RAP1GAP2: variants seen among roughly 807,000 people sequenced by gnomAD.
RAP1GAP2 encodes the protein rap1 GTPase-activating protein 2.
Under a neutral mutation model 95.0 loss-of-function variants are expected in RAP1GAP2, and 27 were observed. The observed-to-expected ratio is 0.28, with a 90% CI of 0.21 to 0.39. The LOEUF (loss-of-function observed/expected upper bound fraction) is 0.39. Among genes scored for constraint, RAP1GAP2 ranks in the 10% least tolerant of loss-of-function variants. The pLI is 1.00. For synonymous variants in RAP1GAP2, 373 were observed against 380.9 expected, an observed-to-expected ratio of 0.98 and a Z score of 0.24; for missense variants, 771 against 970.0, an observed-to-expected ratio of 0.79 and a Z score of 2.72.
At chr17:2,911,260 A>ATTTTTTTT (rs34227127) in intron 3 of RAP1GAP2, among the ~76,000 whole-genome samples, 5 of 132,032 alleles carry the variant, frequency 3.8e-5, no homozygotes, top group African/African-American at 1.5e-4. Flanking sequence ...TTTGAAGGGG[A>ATTTTTTTT]TTTTTTTTTT....
chr17:2,985,899 C>CATG (rs889633017), intron 11 of RAP1GAP2, among the ~76,000 whole-genome samples: 5 of 152,076 alleles, frequency 3.3e-5, no homozygotes, highest in Admixed American at 2.6e-4. Flanking sequence ...TCTTTCCTAC[C>CATG]ATGAACATTT....
chr17:2,957,715 C>A (rs1454695108), intron 3 of RAP1GAP2, 44 bp from the exon 4 acceptor site: 6 of 1,595,266 alleles, frequency 3.8e-6, no homozygotes, highest in Non-Finnish European at 5.1e-6. Context: ...TGTGGACCTC[C>A]CGGCTGATCC....
At chr17:2,985,501 T>C (rs1289273293) in intron 11 of RAP1GAP2, among the ~76,000 whole-genome samples, 1 of 152,218 alleles carries the variant, frequency 6.6e-6, no homozygotes, top group Non-Finnish European at 1.5e-5. Flanking sequence ...TTCACAACTC[T>C]GTTCCGTGAC....
At chr17:2,840,590 T>C (rs563087276) in intron 2 of RAP1GAP2, among the ~76,000 whole-genome samples, 1 of 152,276 alleles carries the variant, frequency 6.6e-6, no homozygotes, top group Admixed American at 6.5e-5. Flanking sequence ...CTCAACTTGA[T>C]CTCCTGCCTT....
chr17:2,853,849 C>G, intron 2 of RAP1GAP2: 1 of 902,258 alleles, frequency 1.1e-6, no homozygotes, highest in Non-Finnish European at 1.3e-6. Context: ...GTCACCTGAC[C>G]CCCGGGGCGC....
chr17:2,885,855 G>C (rs2073476780), intron 2 of RAP1GAP2, among the ~76,000 whole-genome samples: 1 of 152,234 alleles, frequency 6.6e-6, no homozygotes, highest in Non-Finnish European at 1.5e-5. Context: ...CGTGTCTGTG[G>C]ATAGTCCCTT....
chr17:2,762,847 T>C (rs2071281637), intron 1 of RAP1GAP2, among the ~76,000 whole-genome samples: 3 of 152,038 alleles, frequency 2.0e-5, no homozygotes, highest in Admixed American at 2.0e-4. Context: ...TGGCTAATTA[T>C]TTATCTTTTG....
intron 3 of RAP1GAP2, among the ~76,000 whole-genome samples, chr17:2,920,334 G>A (rs1313903509): frequency 1.3e-5 from 2 of 152,154 alleles, no homozygotes; most frequent in African/African-American, 2.4e-5. Flanking sequence ...AGAGCACTTG[G>A]CATTCAGGGC....
intron 19 of RAP1GAP2, among the ~76,000 whole-genome samples, chr17:3,025,571 G>T (rs1407790159): frequency 1.8e-4 from 27 of 152,180 alleles, no homozygotes; most frequent in Admixed American, 1.8e-3. Flanking sequence ...TATGAAGGAT[G>T]GCCCCCCGGG....
At chr17:2,804,078 C>T (rs1464792996) in intron 2 of RAP1GAP2, among the ~76,000 whole-genome samples, 2 of 152,152 alleles carry the variant, frequency 1.3e-5, no homozygotes, top group African/African-American at 2.4e-5. Flanking sequence ...ACCAAGATGC[C>T]TCCTCCCTCT....
intron 2 of RAP1GAP2, among the ~76,000 whole-genome samples, chr17:2,880,166 G>A (rs2073234881): frequency 1.3e-5 from 2 of 152,134 alleles, no homozygotes; most frequent in African/African-American, 2.4e-5. Flanking sequence ...AGACCTGGAG[G>A]ATGATTAGGA....
chr17:3,030,064 A>G (rs1318527073), intron 22 of RAP1GAP2, among the ~76,000 whole-genome samples: 1 of 148,004 alleles, frequency 6.8e-6, no homozygotes, highest in Non-Finnish European at 1.5e-5. Flanking sequence ...CATATATAGT[A>G]TATACATATA....
At chr17:2,812,458 G>A (rs2069810043) in intron 2 of RAP1GAP2, among the ~76,000 whole-genome samples, 1 of 152,088 alleles carries the variant, frequency 6.6e-6, no homozygotes, top group South Asian at 2.1e-4. Context: ...CATCCCTCAA[G>A]CTGGCTCCAG....
chr17:2,779,314 C>T (rs1014269480), intron 1 of RAP1GAP2, among the ~76,000 whole-genome samples: 4 of 152,176 alleles, frequency 2.6e-5, no homozygotes, highest in African/African-American at 9.7e-5. Context: ...GGTGATGGCC[C>T]CATAGCAAGG....
chr17:2,759,453 T>C (rs2071204980), intron 1 of RAP1GAP2, among the ~76,000 whole-genome samples: 1 of 151,902 alleles, frequency 6.6e-6, no homozygotes, highest in African/African-American at 2.4e-5. Context: ...GCTAATTTTT[T>C]GTATTTTATT....
chr17:2,775,316 G>A (rs1443832541), upstream of RAP1GAP2, among the ~76,000 whole-genome samples: 1 of 152,106 alleles, frequency 6.6e-6, no homozygotes, highest in Admixed American at 6.6e-5. Flanking sequence ...TATGACCAGC[G>A]TGCTGAAGAA....
At chr17:2,909,066 TG>T (rs1220383818) in intron 3 of RAP1GAP2, among the ~76,000 whole-genome samples, 1 of 152,148 alleles carries the variant, frequency 6.6e-6, no homozygotes, top group African/African-American at 2.4e-5. Context: ...CATTCTGTGC[TG>T]GAGGTAAACA....
intron 1 of RAP1GAP2, among the ~76,000 whole-genome samples, chr17:2,799,516 T>C (rs2069192588): frequency 6.6e-6 from 1 of 152,114 alleles, no homozygotes; most frequent in South Asian, 2.1e-4. Context: ...GAGGCAGCGC[T>C]GGGCTGGCCA....
chr17:2,963,510 T>A lies in RAP1GAP2; in HGVS notation c.279+48T>A, dbSNP rs755708936. The A allele has an allele frequency of 6.2e-7, 1 of 1,611,304 alleles. No individual in the cohort carries two copies. Among genetic ancestry groups the A allele is most frequent in the Non-Finnish European group, 8.5e-7 (1 of 1,177,638 alleles). On this transcript the variant is annotated intron_variant, in intron 6 of 24. Coordinates refer to ENST00000254695, the MANE Select transcript of RAP1GAP2 (RefSeq NM_015085.5). This position sits in a 1 kb window ranked among gnomAD's most constrained non-coding sequence, Gnocchi z 4.8. ...CACCTGCCCTGCAGCCTGCTCTGGG[T>A]CCCGTCCCTGGGGAAATGATGGCGA...
Sources: allele counts gnomAD v4.1 joint callset (sites outside exome capture counted in the v4.1 genomes callset), GRCh38; gene constraint gnomAD v4.1.1; non-coding constraint Gnocchi (gnomAD v3.1); transcripts MANE v1.5; gene names NCBI Gene and HGNC (gene_info 2026-07-23, HGNC 2026-07-21).